The following PTPRD variants were observed in gnomAD, a reference collection of about 807,000 sequenced individuals.
PTPRD encodes protein tyrosine phosphatase receptor type D.
Under a neutral mutation model 214.5 loss-of-function variants are expected in PTPRD, and 34 were observed. The observed-to-expected ratio is 0.16, with a 90% confidence interval of 0.12 to 0.21. The LOEUF (loss-of-function observed/expected upper bound fraction) is 0.21, where lower values mean the gene tolerates loss of function less well. Among genes scored for constraint, PTPRD ranks in the 10% least tolerant of loss-of-function variants. The pLI, the probability that PTPRD is intolerant of heterozygous loss-of-function variation, is 1.00. For synonymous variants in PTPRD, 1,128 were observed against 845.7 expected (o/e 1.33, Z -5.79); for missense variants, 2,545 against 2,398.7 (o/e 1.06, Z -1.27).
At chr9:8,751,780 T>C (rs2093559901) in intron 11 of PTPRD, among the ~76,000 whole-genome samples, 1 of 152,244 alleles carries the variant, frequency 6.6e-6, no homozygotes, top group African/African-American at 2.4e-5. Context: ...GTTACCTAAA[T>C]AGATTTGAGA....
chr9:9,669,180 A>G (rs1048243952), intron 7 of PTPRD, among the ~76,000 whole-genome samples: 5 of 152,212 alleles, frequency 3.3e-5, no homozygotes, highest in African/African-American at 7.2e-5. Flanking sequence ...TCATGCTGCT[A>G]TAAAGACACA....
intron 11 of PTPRD, among the ~76,000 whole-genome samples, chr9:8,769,118 G>A (rs1306250790): frequency 6.6e-6 from 1 of 152,028 alleles, no homozygotes; most frequent in African/African-American, 2.4e-5. Flanking sequence ...TGTAACAGTG[G>A]AAATATTTTT....
chr9:8,655,486 G>C (rs139055467), intron 12 of PTPRD, among the ~76,000 whole-genome samples: 1 of 152,112 alleles, frequency 6.6e-6, no homozygotes, highest in African/African-American at 2.4e-5. Context: ...TGGAAATAGT[G>C]TGCCTCATTT....
chr9:8,494,521 C>T (rs1251897195), intron 26 of PTPRD, among the ~76,000 whole-genome samples: 2 of 152,160 alleles, frequency 1.3e-5, no homozygotes. Context: ...TGAGTAAATG[C>T]CAACATTATG....
chr9:8,782,743 G>T (rs7029292), intron 11 of PTPRD, among the ~76,000 whole-genome samples: 1 of 151,570 alleles, frequency 6.6e-6, no homozygotes, highest in African/African-American at 2.4e-5. Context: ...GATTACAGGC[G>T]CACACCACCA....
At chr9:10,533,058 G>A (rs930489324) in intron 2 of PTPRD, among the ~76,000 whole-genome samples, 5 of 152,000 alleles carry the variant, frequency 3.3e-5, no homozygotes, top group Non-Finnish European at 5.9e-5. Flanking sequence ...GTTCTCCTGG[G>A]AATGGATTAG....
chr9:9,429,793 A>G (rs1006718043), intron 8 of PTPRD, among the ~76,000 whole-genome samples: 1 of 152,222 alleles, frequency 6.6e-6, no homozygotes, highest in Admixed American at 6.5e-5. Flanking sequence ...AGAACCCAAG[A>G]CAAAACCCAC....
intron 11 of PTPRD, among the ~76,000 whole-genome samples, chr9:8,857,977 T>A (rs1255514997): frequency 7.7e-6 from 1 of 130,198 alleles, no homozygotes; most frequent in Non-Finnish European, 1.6e-5. Context: ...TCCCGGGCCG[T>A]CCTCTTGGCC....
chr9:9,349,653 T>A (rs1356410267), intron 9 of PTPRD, among the ~76,000 whole-genome samples: 1 of 151,890 alleles, frequency 6.6e-6, no homozygotes. Flanking sequence ...TCAATTTTAC[T>A]TTCCTTAATT....
intron 2 of PTPRD, among the ~76,000 whole-genome samples, chr9:10,578,422 T>C (rs59062567): frequency 0.088 from 13,397 of 152,146 alleles, 718 homozygotes; most frequent in African/African-American, 0.14. Flanking sequence ...TTAGGGGTTC[T>C]TACAAATTTT....
intron 3 of PTPRD, among the ~76,000 whole-genome samples, chr9:10,099,246 A>G (rs2098527111): frequency 6.6e-6 from 1 of 151,724 alleles, no homozygotes; most frequent in African/African-American, 2.4e-5. Flanking sequence ...AAACTACATT[A>G]AGAGCAGTGT....
chr9:8,586,981 AC>A (rs1204427841), intron 14 of PTPRD, among the ~76,000 whole-genome samples: 4 of 152,132 alleles, frequency 2.6e-5, no homozygotes, highest in African/African-American at 4.8e-5. Context: ...CCCAGTCTCT[AC>A]TAAAAATACA....
intron 11 of PTPRD, among the ~76,000 whole-genome samples, chr9:8,909,268 C>G (rs1263287364): frequency 6.6e-6 from 1 of 152,036 alleles, no homozygotes; most frequent in African/African-American, 2.4e-5. Context: ...ATGATGCTGG[C>G]ATTATGCTGA....
At chr9:10,009,296 G>C (rs1588794049) in intron 4 of PTPRD, among the ~76,000 whole-genome samples, 1 of 151,562 alleles carries the variant, frequency 6.6e-6, no homozygotes, top group East Asian at 1.9e-4. Context: ...AAGAGGTTCT[G>C]AAAACAAGTA....
At position 10,504,115 on chromosome 9, in the gene PTPRD, C is replaced by CAAAAAAAAAAAAAAAA. The variant is rs71332747; in HGVS notation, c.-600+108267_-600+108282dup. Among the ~76,000 whole-genome samples, 149 of 26,960 alleles carry CAAAAAAAAAAAAAAAA rather than the reference C, an allele frequency of 5.5e-3. 36 individuals carry two copies. Among genetic ancestry groups the CAAAAAAAAAAAAAAAA allele is most frequent in the African/African-American group, 0.01 (56 of 5,548 alleles). The allele number at this position is 26,960 out of a possible 152,430, so 17.7% of individuals were successfully genotyped here. On this transcript the variant is annotated intron_variant, in intron 2 of 45. Coordinates refer to ENST00000381196, the MANE Select transcript of PTPRD (RefSeq NM_002839.4). The stretch of plus-strand genomic sequence containing the variant: ...TGGGGCACAGAGCGAGACTCTGTCT[C>CAAAAAAAAAAAAAAAA]AAAAAAAAAAAAAAAAAAAAAAAAA...
intron 3 of PTPRD, among the ~76,000 whole-genome samples, chr9:10,099,965 C>T (rs1306901987): frequency 6.6e-6 from 1 of 151,692 alleles, no homozygotes; most frequent in Non-Finnish European, 1.5e-5. Context: ...ATTTGAAATT[C>T]ATCCAGCATA....
intron 2 of PTPRD, among the ~76,000 whole-genome samples, chr9:10,423,839 T>G (rs887229928): frequency 1.3e-5 from 2 of 152,004 alleles, no homozygotes; most frequent in African/African-American, 4.8e-5. Flanking sequence ...GTTTTTAGGT[T>G]TGGGATGCAC....
chr9:8,792,059 GA>G (rs553130928), intron 11 of PTPRD, among the ~76,000 whole-genome samples: 1 of 152,106 alleles, frequency 6.6e-6, no homozygotes, highest in Admixed American at 6.5e-5. Flanking sequence ...CTTAAGGGCG[GA>G]AAAAAAGCTG....
intron 5 of PTPRD, among the ~76,000 whole-genome samples, chr9:9,927,525 T>A (rs377648473): frequency 1.6e-4 from 25 of 152,148 alleles, no homozygotes; most frequent in African/African-American, 5.8e-4. Context: ...ATTACTGGTC[T>A]GTCTTCTGGA....
Sources: allele counts gnomAD v4.1 joint callset (sites outside exome capture counted in the v4.1 genomes callset), GRCh38; gene constraint gnomAD v4.1.1; transcripts MANE v1.5; gene names NCBI Gene and HGNC (gene_info 2026-07-23, HGNC 2026-07-21).